The following LOC128125822 variants were observed in gnomAD, a reference collection of about 807,000 sequenced individuals.
chr6:63,582,450 G>A, the LOC128125822 span: 14 of 152,710 alleles, frequency 9.2e-5, no homozygotes, highest in African/African-American at 3.1e-4. Flanking sequence ...ACGATGTGAT[G>A]AAATTTGCTT....
the LOC128125822 span, chr6:63,580,008 CT>C: frequency 4.4e-6 from 6 of 1,359,508 alleles, no homozygotes; most frequent in South Asian, 7.1e-5. Context: ...CTAAATATTA[CT>C]GTAGGGGGCT....
At chr6:63,582,637 G>A in the LOC128125822 span, 1 of 152,232 alleles carries the variant, frequency 6.6e-6, no homozygotes, top group Non-Finnish European at 1.5e-5. Context: ...ACCCTTAGTG[G>A]GATGATGTAA....
the LOC128125822 span, chr6:63,581,708 T>C: frequency 6.6e-6 from 1 of 152,134 alleles, no homozygotes; most frequent in African/African-American, 2.4e-5. Flanking sequence ...TGAGGAGAAA[T>C]AATGTATAGT....
chr6:63,572,803 C>G, the LOC128125822 span: 13 of 397,228 alleles, frequency 3.3e-5, no homozygotes, highest in Non-Finnish European at 4.0e-5. Context: ...GTTCGGAGCC[C>G]GGCGTCTCCT....
the LOC128125822 span, chr6:63,572,588 T>A: frequency 2.4e-6 from 1 of 415,996 alleles, no homozygotes; most frequent in Non-Finnish European, 4.2e-6. Context: ...GCCGCCTGCA[T>A]CGCCGCCACC....
chr6:63,577,021 T>C, the LOC128125822 span: 3 of 1,509,266 alleles, frequency 2.0e-6, no homozygotes, highest in Admixed American at 3.5e-5. Flanking sequence ...TTAAATTGAT[T>C]GCAATATAAT....
the LOC128125822 span, chr6:63,580,121 C>T: frequency 1.2e-6 from 2 of 1,613,058 alleles, no homozygotes; most frequent in Non-Finnish European, 1.7e-6. Flanking sequence ...TCCTAAAATG[C>T]GGCTGCGTTT....
At chr6:63,574,369 G>GAA in the LOC128125822 span, among the ~76,000 whole-genome samples, 2 of 151,816 alleles carry the variant, frequency 1.3e-5, no homozygotes, top group African/African-American at 2.4e-5. Flanking sequence ...AGGTGGGAGG[G>GAA]AAAAAATCCC....
the LOC128125822 span, among the ~76,000 whole-genome samples, chr6:63,574,539 C>T: frequency 1.3e-5 from 2 of 152,100 alleles, no homozygotes; most frequent in African/African-American, 4.8e-5. Flanking sequence ...GAAGGGAATT[C>T]TTAATATAGT....
At chr6:63,574,782 T>G in the LOC128125822 span, among the ~76,000 whole-genome samples, 1 of 152,224 alleles carries the variant, frequency 6.6e-6, no homozygotes, top group Admixed American at 6.5e-5. Context: ...CAGAATACAC[T>G]TTTTATTCTA....
chr6:63,573,703 G>C, the LOC128125822 span: 5 of 152,248 alleles, frequency 3.3e-5, no homozygotes, highest in Admixed American at 3.3e-4. Context: ...CCTCGGGCTC[G>C]TGATAATGGG....
chr6:63,572,659 C>T, the LOC128125822 span: 1 of 411,734 alleles, frequency 2.4e-6, no homozygotes, highest in Admixed American at 4.4e-5. Flanking sequence ...GCCTGTGTCG[C>T]CGCCGCCTCG....
chr6:63,581,368 G>C, the LOC128125822 span: 2 of 152,674 alleles, frequency 1.3e-5, no homozygotes, highest in Admixed American at 1.3e-4. Context: ...TTCTGTGGGA[G>C]AAATAATTTT....
At chr6:63,582,199 T>C in the LOC128125822 span, 1 of 152,124 alleles carries the variant, frequency 6.6e-6, no homozygotes, top group Non-Finnish European at 1.5e-5. Flanking sequence ...TTTGTTTTTT[T>C]TTTAAAGGAA....
the LOC128125822 span, chr6:63,581,327 A>G: frequency 4.6e-5 from 7 of 152,698 alleles, no homozygotes; most frequent in East Asian, 9.6e-4. Context: ...TCAACCATAT[A>G]TTTATACTGT....
At chr6:63,579,431 T>A in the LOC128125822 span, 1 of 826,168 alleles carries the variant, frequency 1.2e-6, no homozygotes, top group Non-Finnish European at 1.8e-6. Context: ...ATTATGATTA[T>A]TTTTTGAGAT....
At chr6:63,580,227 G>T in the LOC128125822 span, 2 of 1,357,198 alleles carry the variant, frequency 1.5e-6, no homozygotes, top group African/African-American at 2.9e-5. Flanking sequence ...GGCCTAATTT[G>T]TTATACATAT....
the LOC128125822 span, chr6:63,581,621 C>CT: frequency 6.6e-6 from 1 of 152,168 alleles, no homozygotes; most frequent in Admixed American, 6.5e-5. Context: ...TTCATGAAAA[C>CT]TTTAATACTA....
the LOC128125822 span, among the ~76,000 whole-genome samples, chr6:63,577,699 G>A: frequency 6.6e-6 from 1 of 152,084 alleles, no homozygotes; most frequent in Non-Finnish European, 1.5e-5. Context: ...TGAGACTACA[G>A]GCGTACGCCA....
Sources: gnomAD v4.1 joint callset for allele counts (sites outside exome capture counted in the v4.1 genomes callset) on GRCh38, gnomAD v4.1.1 for gene constraint, MANE v1.5 for transcripts.